OPRL1: variants seen among roughly 807,000 people sequenced by gnomAD.
OPRL1 encodes opioid related nociceptin receptor 1.
In OPRL1, 5 loss-of-function variants were observed where a neutral mutation model predicts 15.5. That is an observed-to-expected ratio of 0.32 (90% confidence interval 0.17 to 0.68). The LOEUF is 0.68. Ranked by LOEUF, OPRL1 falls within the 30% of genes least tolerant of loss-of-function variation. OPRL1 has a pLI of 0.72. For missense variants in OPRL1, 406 were observed against 515.3 expected (o/e 0.79, Z 2.05); for synonymous variants, 223 against 230.2 (o/e 0.97, Z 0.28).
Position 64,098,422 on chromosome 20 carries a change from C to T in OPRL1, c.736C>T (p.Arg246Cys), listed in dbSNP as rs756713959. 1.9e-6 allele frequency: 3 copies of T among 1,613,566 alleles called. No individual in the cohort carries two copies. Among genetic ancestry groups the T allele is most frequent in the Admixed American group, 1.7e-5 (1 of 60,032 alleles). Residue 246 changes from arginine (R) to cysteine (C), a missense_variant, in exon 5 of 5, where the codon CGC becomes TGC. Coordinates refer to ENST00000336866, the MANE Select transcript of OPRL1 (RefSeq NM_182647.4). ...SLMIRRLRGV[R>C]LLSGSREKDR... ...CATGATCCGGCGGCTCCGTGGAGTCCGCCTGCTCTCGGGCTCCCGAGAGAA... is the reference window on the plus strand; with the variant it reads ...CATGATCCGGCGGCTCCGTGGAGTCTGCCTGCTCTCGGGCTCCCGAGAGAA...
intron 1 of OPRL1, among the ~76,000 whole-genome samples, chr20:64,080,556 C>T (rs553935635): frequency 1.3e-5 from 2 of 152,198 alleles, no homozygotes; most frequent in African/African-American, 4.8e-5. Context: ...CCTGCTGACC[C>T]GTGTGTCCCA....
At chr20:64,088,854 A>C (rs78514502) in intron 1 of OPRL1, among the ~76,000 whole-genome samples, 2,020 of 12,052 alleles carry the variant, frequency 0.17, 4 homozygotes, top group Admixed American at 0.18. Context: ...CTGTGCAGGG[A>C]GGGCAGGGTC....
chr20:64,091,661 C>T (rs529608350), intron 1 of OPRL1, among the ~76,000 whole-genome samples: 4 of 152,274 alleles, frequency 2.6e-5, no homozygotes, highest in South Asian at 2.1e-4. Context: ...CCGTGTGAGT[C>T]GTGGTCCCCG....
chr20:64,098,953 C>T lies in OPRL1; in HGVS notation c.*154C>T. 1 of 1,075,312 alleles carries T rather than the reference C, an allele frequency of 9.3e-7. No homozygotes were observed. Among genetic ancestry groups the T allele is most frequent in the Non-Finnish European group, 1.3e-6 (1 of 770,886 alleles). The allele number at this position is 1,075,312 out of a possible 1,614,324, so 66.6% of individuals were successfully genotyped here. The stretch of plus-strand genomic sequence containing the variant: ...GGCTTTTCCCTGTGGGCCAGGGATG[C>T]TCGGTCCCAGAGGAGGACCTAGTGA... On this transcript the variant is annotated 3_prime_UTR_variant, in exon 5 of 5. Coordinates refer to ENST00000336866, the MANE Select transcript of OPRL1 (RefSeq NM_182647.4).
At position 64,089,430 on chromosome 20, in the gene OPRL1, G is replaced by T. The variant is rs950020990; in HGVS notation, c.-184-2536G>T. Among the ~76,000 whole-genome samples, 1 of 152,032 alleles carries T rather than the reference G, an allele frequency of 6.6e-6. No individual in the cohort carries two copies. Among genetic ancestry groups the T allele is most frequent in the African/African-American group, 2.4e-5 (1 of 41,376 alleles). ...GAAGGCTTGGGGTCAAAAGAGGTGG[G>T]GGTCAGGGAGCTAGGTCTGACCTCG... On this transcript the variant is annotated intron_variant, in intron 1 of 4. Coordinates refer to ENST00000336866, the MANE Select transcript of OPRL1 (RefSeq NM_182647.4). This position sits in a 1 kb window ranked among gnomAD's most constrained non-coding sequence, Gnocchi z 5.5.
In OPRL1 at chr20:64,090,297, C is replaced by T. The variant is rs764947273; in HGVS notation, c.-184-1669C>T. ...TGTGTCCCTTGAGTGTCTCTGTTGA[C>T]GTGCCCCGTGCCTTCACACGTGTCC... is the stretch of plus-strand genomic sequence containing the variant. On this transcript the variant is annotated intron_variant, in intron 1 of 4. Coordinates refer to ENST00000336866, the MANE Select transcript of OPRL1 (RefSeq NM_182647.4). This position sits in a 1 kb window ranked among gnomAD's most constrained non-coding sequence, Gnocchi z 4.9. Among the ~76,000 whole-genome samples, 38 of 152,316 alleles carry T rather than the reference C, an allele frequency of 2.5e-4. No homozygotes were observed. The highest frequency in any genetic ancestry group is 3.5e-4 in the Non-Finnish European group (24 of 68,026).
In OPRL1 at chr20:64,083,727, G is replaced by C. The variant is rs2059999912; in HGVS notation, c.-185+3375G>C. ...CGGCCTGCGGGGCCCGGGTAGCTGA[G>C]CGCGCGCCGAGCCCCGCCCCGCCCC... On this transcript the variant is annotated intron_variant, in intron 1 of 4. Transcript: ENST00000336866. The surrounding 1 kb of genome is among the most constrained non-coding windows in gnomAD (Gnocchi z 4.9). 7.4e-7 allele frequency: 1 copy of C among 1,355,602 alleles called. No homozygotes were observed. The highest frequency in any genetic ancestry group is 4.0e-5 in the Admixed American group (1 of 25,130). The allele number at this position is 1,355,602 out of a possible 1,614,324, so 84.0% of individuals were successfully genotyped here. A position where few individuals can be genotyped will look rare whatever the true frequency, so the allele number is the denominator to read the frequency against.
chr20:64,098,971 C>CCTAGT lies in OPRL1; in HGVS notation c.*173_*177dup. 1 of 884,362 alleles carries CCTAGT rather than the reference C, an allele frequency of 1.1e-6. No individual in the cohort carries two copies. Among genetic ancestry groups the CCTAGT allele is most frequent in the Non-Finnish European group, 1.7e-6 (1 of 597,138 alleles). The allele number at this position is 884,362 out of a possible 1,614,324, so 54.8% of individuals were successfully genotyped here. A position where few individuals can be genotyped will look rare whatever the true frequency, so the allele number is the denominator to read the frequency against. On this transcript the variant is annotated 3_prime_UTR_variant, in exon 5 of 5. Transcript: ENST00000336866. ...AGGGATGCTCGGTCCCAGAGGAGGA[C>CCTAGT]CTAGTGACATCATGGGACAGGTCAA...
chr20:64,092,886 G>C lies in OPRL1; in HGVS notation c.166G>C (p.Gly56Arg), dbSNP rs1357966087. Residue 56 changes from glycine (G) to arginine (R), a missense_variant, in exon 3 of 5, where the codon GGG (glycine) becomes CGG (arginine). Coordinates refer to ENST00000336866, the MANE Select transcript of OPRL1 (RefSeq NM_182647.4). ...CCTCGGGCTCAAGGTCACCATCGTGGGGCTCTACCTGGCCGTGTGTGTCGG... is the reference window on the plus strand; with the variant it reads ...CCTCGGGCTCAAGGTCACCATCGTGCGGCTCTACCTGGCCGTGTGTGTCGG... ...LPLGLKVTIVGLYLAVCVGGL... is the reference protein window; with the variant it reads ...LPLGLKVTIVRLYLAVCVGGL... 1 of 1,612,592 alleles carries C rather than the reference G, an allele frequency of 6.2e-7. No individual in the cohort carries two copies. The highest frequency in any genetic ancestry group is 1.3e-5 in the African/African-American group (1 of 74,924).
Position 64,083,696 on chromosome 20 carries a change from T to A in OPRL1, c.-185+3344T>A. ...TTCTGCCGCTGGATGAGCAGCGCGA[T>A]CTCCTCGGCCTGCGGGGCCCGGGTA... On this transcript the variant is annotated intron_variant, in intron 1 of 4. Transcript: ENST00000336866. This position sits in a 1 kb window ranked among gnomAD's most constrained non-coding sequence, Gnocchi z 4.9. The A allele has an allele frequency of 3.6e-6, 5 of 1,403,712 alleles. No individual in the cohort carries two copies. Among genetic ancestry groups the A allele is most frequent in the Non-Finnish European group, 4.6e-6 (5 of 1,087,112 alleles). The allele number at this position is 1,403,712 out of a possible 1,614,324, so 87.0% of individuals were successfully genotyped here. A position where few individuals can be genotyped will look rare whatever the true frequency, so the allele number is the denominator to read the frequency against.
intron 1 of OPRL1, among the ~76,000 whole-genome samples, chr20:64,091,362 G>T (rs565030013): frequency 1.7e-4 from 26 of 152,302 alleles, no homozygotes; most frequent in Non-Finnish European, 2.9e-4. Flanking sequence ...CCCTGGGCGT[G>T]TCTCCAAGTG....
At chr20:64,081,457 G>C (rs1486396753) in intron 1 of OPRL1, among the ~76,000 whole-genome samples, 2 of 152,168 alleles carry the variant, frequency 1.3e-5, no homozygotes, top group Non-Finnish European at 2.9e-5. Context: ...AGCTGGCAGG[G>C]GGTGAAGGTC....
At chr20:64,096,363 T>A (rs1979110383) in intron 3 of OPRL1, among the ~76,000 whole-genome samples, 1 of 152,110 alleles carries the variant, frequency 6.6e-6, no homozygotes, top group South Asian at 2.1e-4. Context: ...GACACTCCGT[T>A]CTGAGCCCTG....
At chr20:64,084,713 G>A (rs751434591) in intron 1 of OPRL1, among the ~76,000 whole-genome samples, 2 of 152,186 alleles carry the variant, frequency 1.3e-5, no homozygotes, top group Non-Finnish European at 2.9e-5. Context: ...TAGAGGGCAG[G>A]TGACAGAGGA....
At chr20:64,081,793 A>G (rs908889771) in intron 1 of OPRL1, among the ~76,000 whole-genome samples, 8 of 152,050 alleles carry the variant, frequency 5.3e-5, no homozygotes, top group Admixed American at 2.6e-4. Context: ...GCGCCTTTTC[A>G]TGGGGATCAA....
rs927149802 is a variant in OPRL1 at position 64,089,170 on chromosome 20, G to C, written c.-184-2796G>C. On this transcript the variant is annotated intron_variant, in intron 1 of 4. Transcript: ENST00000336866. This position sits in a 1 kb window ranked among gnomAD's most constrained non-coding sequence, Gnocchi z 5.5. ...ACAAGGGAGGGAGAAGCTGTCCTGG[G>C]TTCTATGGTTATGAACATGTCAGGG... is the stretch of plus-strand genomic sequence containing the variant. Among the ~76,000 whole-genome samples, 1 of 152,130 alleles carries C rather than the reference G, an allele frequency of 6.6e-6. No homozygotes were observed. The highest frequency in any genetic ancestry group is 2.4e-5 in the African/African-American group (1 of 41,404).
At chr20:64,084,273 G>A in intron 1 of OPRL1, 3 of 1,328,722 alleles carry the variant, frequency 2.3e-6, no homozygotes, top group Non-Finnish European at 2.9e-6. Context: ...GGCTGGCACC[G>A]GGCCCTGCCC....
chr20:64,099,114 G>A lies in OPRL1; in HGVS notation c.*315G>A. On this transcript the variant is annotated 3_prime_UTR_variant, in exon 5 of 5. Coordinates refer to ENST00000336866, the MANE Select transcript of OPRL1 (RefSeq NM_182647.4). ...GACATGCTGGTGGACGGCCGTGACTGGAGCCCGTGCCCCTCCCTCCCCGTG... is the reference window on the plus strand; with the variant it reads ...GACATGCTGGTGGACGGCCGTGACTAGAGCCCGTGCCCCTCCCTCCCCGTG... The A allele has an allele frequency of 2.5e-6, 1 of 404,794 alleles. No individual in the cohort carries two copies. The highest frequency in any genetic ancestry group is 5.4e-5 in the South Asian group (1 of 18,468). The allele number at this position is 404,794 out of a possible 1,614,324, so 25.1% of individuals were successfully genotyped here.
At chr20:64,092,976 T>C (rs753661159) in intron 3 of OPRL1, 23 bp downstream of exon 3, 2 of 1,604,060 alleles carry the variant, frequency 1.2e-6, no homozygotes, top group South Asian at 2.2e-5. Flanking sequence ...CCAAGGTTCC[T>C]GTCTGGTGAG....
Sources: allele counts gnomAD v4.1 joint callset (sites outside exome capture counted in the v4.1 genomes callset), GRCh38; gene constraint gnomAD v4.1.1; non-coding constraint Gnocchi (gnomAD v3.1); transcripts MANE v1.5; gene names NCBI Gene and HGNC (gene_info 2026-07-23, HGNC 2026-07-21).